TMEFF1: variants seen among roughly 807,000 people sequenced by gnomAD.
TMEFF1 encodes the protein transmembrane protein with EGF like and two follistatin like domains 1, also known as tomoregulin-1.
A neutral mutation model predicts 47.5 loss-of-function variants in TMEFF1; 20 were observed. The observed-to-expected ratio is 0.42, with a 90% CI of 0.30 to 0.61. TMEFF1 has a LOEUF of 0.61. TMEFF1 is among the 20% of genes least tolerant of loss of function. TMEFF1 has a pLI of 0.19. For missense variants in TMEFF1, 411 were observed against 471.1 expected (o/e 0.87, Z 1.18); for synonymous variants, 162 against 166.3 (o/e 0.97, Z 0.20).
At chr9:100,574,634 C>T (rs780230505) in intron 9 of TMEFF1, among the ~76,000 whole-genome samples, 18 of 152,142 alleles carry the variant, frequency 1.2e-4, no homozygotes, top group East Asian at 3.9e-4. Context: ...GCCTCGGTCT[C>T]GCAAAGTGCT....
At chr9:100,489,284 T>C (rs576160031) in intron 1 of TMEFF1, among the ~76,000 whole-genome samples, 1 of 152,274 alleles carries the variant, frequency 6.6e-6, no homozygotes, top group South Asian at 2.1e-4. Flanking sequence ...CATGGCTCAC[T>C]GCAGCCTTGA....
Position 100,508,992 on chromosome 9 carries a change from G to A in TMEFF1, c.307-13G>A. On this transcript the variant is annotated splice_polypyrimidine_tract_variant and intron_variant, in intron 2 of 9. Transcript: ENST00000374879. ...TGCCTAGTTCTGAGAATTTATTTTT[G>A]TTGCTTTTGCAGTGCCATACAAATT... is the stretch of plus-strand genomic sequence containing the variant. 6.4e-7 allele frequency: 1 copy of A among 1,556,384 alleles called. No individual in the cohort carries two copies. The highest frequency in any genetic ancestry group is 8.6e-7 in the Non-Finnish European group (1 of 1,156,202).
At position 100,498,748 on chromosome 9, in the gene TMEFF1, AT is replaced by A; in HGVS notation, c.197-10del. The A allele has an allele frequency of 6.8e-6, 11 of 1,611,348 alleles. No individual in the cohort carries two copies. The highest frequency in any genetic ancestry group is 1.3e-5 in the African/African-American group (1 of 74,736). On this transcript the variant is annotated splice_polypyrimidine_tract_variant and intron_variant, in intron 1 of 9. Transcript: ENST00000374879. ...AAAAGCCAAATATATATGTCAAACA[AT>A]TTTTTTCTTTTGCAGAATTAAATGT...
intron 5 of TMEFF1, among the ~76,000 whole-genome samples, chr9:100,520,362 C>T (rs1392079438): frequency 6.6e-6 from 1 of 152,150 alleles, no homozygotes; most frequent in Admixed American, 6.5e-5. Flanking sequence ...TTTGTCTTTT[C>T]TCAATTTGAA....
intron 7 of TMEFF1, among the ~76,000 whole-genome samples, chr9:100,550,880 A>G (rs1838818396): frequency 6.6e-6 from 1 of 152,240 alleles, no homozygotes; most frequent in Non-Finnish European, 1.5e-5. Context: ...GGTCTCATGT[A>G]GTAAAGGTTG....
chr9:100,498,818 T>C lies in TMEFF1; in HGVS notation c.250T>C (p.Tyr84His). The change falls in exon 2 of 10, where the codon TAT becomes CAT. Residue 84 changes from tyrosine to histidine, a missense_variant. Coordinates refer to ENST00000374879, the MANE Select transcript of TMEFF1 (RefSeq NM_003692.5). The stretch of plus-strand genomic sequence containing the variant: ...AGTTTGTGATGAGTCATCATGTAAA[T>C]ATGGAGGAGTCTGTAAAGAAGATGG... ...VRVCDESSCK[Y>H]GGVCKEDGDG... is the part of the protein sequence containing the mutation. 6.2e-7 allele frequency: 1 copy of C among 1,613,916 alleles called. No individual in the cohort carries two copies. The highest frequency in any genetic ancestry group is 8.5e-7 in the Non-Finnish European group (1 of 1,179,918).
intron 5 of TMEFF1, among the ~76,000 whole-genome samples, chr9:100,517,003 T>C (rs372876150): frequency 6.6e-6 from 1 of 152,228 alleles, no homozygotes; most frequent in South Asian, 2.1e-4. Flanking sequence ...TCTGGTTTTA[T>C]CTATGCTTTT....
chr9:100,566,292 C>T (rs1839124164), intron 8 of TMEFF1, among the ~76,000 whole-genome samples: 1 of 152,168 alleles, frequency 6.6e-6, no homozygotes, highest in Non-Finnish European at 1.5e-5. Flanking sequence ...TTACATAAAT[C>T]CCAGACTTCT....
intron 1 of TMEFF1, among the ~76,000 whole-genome samples, chr9:100,486,714 C>G (rs1319972369): frequency 1.3e-5 from 2 of 152,160 alleles, no homozygotes; most frequent in Non-Finnish European, 2.9e-5. Flanking sequence ...CTTACTGCAG[C>G]CTTGACCTTC....
intron 2 of TMEFF1, among the ~76,000 whole-genome samples, chr9:100,504,130 G>A (rs1216980449): frequency 6.6e-6 from 1 of 152,172 alleles, no homozygotes; most frequent in East Asian, 1.9e-4. Flanking sequence ...AGGTACAGGG[G>A]AGAGTTCTTC....
rs1837382928 is a variant in TMEFF1 at position 100,483,520 on chromosome 9, C to CAAACAAAT, written c.196+9787_196+9788insTAAACAAA. Among the ~76,000 whole-genome samples, 12 of 151,772 alleles carry CAAACAAAT rather than the reference C, an allele frequency of 7.9e-5. No homozygotes were observed. In the South Asian group the frequency reaches 2.5e-3, roughly 32 times the overall value. Reference sequence around the variant, plus strand: ...CTCAAAAAACAAACAAACAAACAAACAAACAAACAAGGTGTGTCATTGTAT... The same window carrying CAAACAAAT: ...CTCAAAAAACAAACAAACAAACAAACAAACAAATAAACAAACAAGGTGTGTCATTGTAT... On this transcript the variant is annotated intron_variant, in intron 1 of 9. Transcript: ENST00000374879.
At chr9:100,516,842 G>T (rs150659043) in intron 5 of TMEFF1, 71 bp downstream of exon 5, 1 of 1,529,768 alleles carries the variant, frequency 6.5e-7, no homozygotes, top group Non-Finnish European at 8.8e-7. Context: ...TTGTGGAAAG[G>T]TATCATTTAC....
chr9:100,551,563 T>C (rs1838826999), intron 7 of TMEFF1, among the ~76,000 whole-genome samples: 2 of 152,218 alleles, frequency 1.3e-5, no homozygotes, highest in Non-Finnish European at 2.9e-5. Flanking sequence ...GTTTGGGGAA[T>C]TGTGTGTTCT....
chr9:100,557,609 TCTTAA>T (rs1369638301), intron 7 of TMEFF1, among the ~76,000 whole-genome samples: 22 of 152,272 alleles, frequency 1.4e-4, no homozygotes, highest in African/African-American at 2.4e-4. Context: ...ATGCTCTGAG[TCTTAA>T]CTTAAGTCCT....
At chr9:100,487,917 A>C (rs1474965086) in intron 1 of TMEFF1, among the ~76,000 whole-genome samples, 3 of 152,140 alleles carry the variant, frequency 2.0e-5, no homozygotes, top group African/African-American at 7.2e-5. Context: ...GTCTTTAAAA[A>C]ATTATCTTTT....
intron 5 of TMEFF1, among the ~76,000 whole-genome samples, chr9:100,524,183 C>T (rs12683122): frequency 0.044 from 6,647 of 151,854 alleles, 324 homozygotes; most frequent in South Asian, 0.22. Flanking sequence ...CACACTATAC[C>T]CGTAGTTCTG....
chr9:100,509,985 A>C (rs1837932893), intron 3 of TMEFF1, among the ~76,000 whole-genome samples: 1 of 152,074 alleles, frequency 6.6e-6, no homozygotes, highest in South Asian at 2.1e-4. Flanking sequence ...GGGGATAGAG[A>C]TGCCGGTGAG....
intron 3 of TMEFF1, among the ~76,000 whole-genome samples, chr9:100,509,866 T>C (rs916034422): frequency 2.0e-5 from 3 of 152,226 alleles, no homozygotes; most frequent in Admixed American, 6.5e-5. Flanking sequence ...CTGCCACCTG[T>C]TCATCCCATG....
At chr9:100,517,737 C>G (rs575435368) in intron 5 of TMEFF1, among the ~76,000 whole-genome samples, 2 of 152,174 alleles carry the variant, frequency 1.3e-5, no homozygotes, top group East Asian at 1.9e-4. Context: ...ATAGATTGAC[C>G]CATGTCCATT....
Sources: gnomAD v4.1 joint callset for allele counts (sites outside exome capture counted in the v4.1 genomes callset) on GRCh38, gnomAD v4.1.1 for gene constraint, MANE v1.5 for transcripts, NCBI Gene and HGNC (gene_info 2026-07-23, HGNC 2026-07-21) for gene names.